Variants in BOP1 observed in about 807,000 individuals in gnomAD.
BOP1 encodes BOP1 ribosomal biogenesis factor.
Under a neutral mutation model 82.9 loss-of-function variants are expected in BOP1, and 54 were observed. That is an observed-to-expected ratio of 0.65 (90% CI 0.52 to 0.82). The LOEUF is 0.82. Among genes scored for constraint, BOP1 ranks in the 40% least tolerant of loss-of-function variants. The pLI is 0.00. For synonymous variants in BOP1, 566 were observed against 451.1 expected, an observed-to-expected ratio of 1.25 and a Z score of -3.23; for missense variants, 1,170 against 1,072.0, an observed-to-expected ratio of 1.09 and a Z score of -1.28.
intron 2 of BOP1, among the ~76,000 whole-genome samples, chr8:144,288,294 G>A (rs528627541): frequency 4.9e-5 from 7 of 143,856 alleles, no homozygotes; most frequent in African/African-American, 1.6e-4. Context: ...AAAATAGGCC[G>A]GGCGTGGTGG....
chr8:144,282,138 G>C (rs1340866032), intron 2 of BOP1, among the ~76,000 whole-genome samples: 5 of 152,228 alleles, frequency 3.3e-5, no homozygotes, highest in African/African-American at 1.2e-4. Context: ...GCGCTGCCGT[G>C]TGCTGCTGGA....
At chr8:144,271,079 CCCGG>C (rs58400462) in intron 3 of BOP1, among the ~76,000 whole-genome samples, 87,211 of 150,738 alleles carry the variant, frequency 0.58, 25,510 homozygotes, top group South Asian at 0.61. Context: ...CACGGAGAGC[CCCGG>C]CCGGCCGGCC....
chr8:144,286,166 G>A (rs1157781385), intron 2 of BOP1, among the ~76,000 whole-genome samples: 2 of 152,172 alleles, frequency 1.3e-5, no homozygotes, highest in East Asian at 3.9e-4. Flanking sequence ...GAAAAGGGAG[G>A]GGTTCCCACT....
chr8:144,266,499 G>T (rs1250461109), intron 3 of BOP1: 3 of 987,076 alleles, frequency 3.0e-6, no homozygotes, highest in Admixed American at 1.2e-4. Flanking sequence ...CTGCCACCGC[G>T]GGGCGCAGCC....
intron 3 of BOP1, chr8:144,268,303 C>T (rs920149389): frequency 3.7e-5 from 39 of 1,055,248 alleles, no homozygotes; most frequent in Non-Finnish European, 4.9e-5. Flanking sequence ...GACAGACGGA[C>T]GTACAGACAG....
At position 144,264,225 on chromosome 8, in the gene BOP1, C is replaced by G; in HGVS notation, c.978G>C (p.Glu326Asp). ...CCCGGCCCCCAGGATGCAGGCCCACCTCCTCCTCGCTGAGCAGGTATTCAG... is the reference window on the plus strand; with the variant it reads ...CCCGGCCCCCAGGATGCAGGCCCACGTCCTCCTCGCTGAGCAGGTATTCAG... ...PPPEYLLSEE[E>D]RLAWEQQEPG... Residue 326 changes from glutamate to aspartate, a missense_variant and splice_region_variant, in exon 7 of 16, where the codon GAG becomes GAC. Glu to Asp is a conservative substitution (Grantham distance 45). Coordinates refer to ENST00000569669, the MANE Select transcript of BOP1 (RefSeq NM_015201.5). 1 of 1,607,474 alleles carries G rather than the reference C, an allele frequency of 6.2e-7. No individual in the cohort carries two copies. The highest frequency in any genetic ancestry group is 8.5e-7 in the Non-Finnish European group (1 of 1,177,950).
chr8:144,286,823 G>A (rs1317030168), intron 2 of BOP1, among the ~76,000 whole-genome samples: 1 of 152,224 alleles, frequency 6.6e-6, no homozygotes, highest in Non-Finnish European at 1.5e-5. Context: ...CCTGCATGGG[G>A]CAGCCAGTTA....
rs1437625759 is a variant in BOP1, at chr8:144,274,473, G to C, written c.390+1751C>G. ...CACTCCCCTAGGGCCACCCCACTTT[G>C]CTCCAAGGGAACAGAGGCCCAGGCA... On this transcript the variant is annotated intron_variant, in intron 3 of 15. Coordinates refer to ENST00000569669, the MANE Select transcript of BOP1 (RefSeq NM_015201.5). Among the ~76,000 whole-genome samples the C allele has an allele frequency of 4.6e-5, 7 of 152,298 alleles. No homozygotes were observed. The East Asian group carries it at 5.8e-4, about 13-fold the overall frequency.
chr8:144,262,500 G>A lies in BOP1; in HGVS notation c.1983C>T (p.His661=), dbSNP rs1214995223. ...CCACAGCCCGCAGAGCCTTCTTGTG[G>A]TGTCTGGGGGGAGGGAACCAGGTTG... ...LSTKPYRMLR[H]HKKALRAVAF... is the part of the protein sequence containing the mutation. Residue 661 remains histidine (H), a synonymous_variant, in exon 15 of 16, where the codon CAC becomes CAT. Transcript: ENST00000569669. 7 of 1,612,906 alleles carry A rather than the reference G, an allele frequency of 4.3e-6. No homozygotes were observed. Among genetic ancestry groups the A allele is most frequent in the African/African-American group, 1.3e-5 (1 of 74,900 alleles).
chr8:144,267,308 C>T (rs1400018282), intron 3 of BOP1: 5 of 1,149,682 alleles, frequency 4.3e-6, no homozygotes, highest in Non-Finnish European at 5.6e-6. Context: ...ACACCTGTAA[C>T]ACAGGCCTGC....
At position 144,264,594 on chromosome 8, in the gene BOP1, C is replaced by T. The variant is rs1845313780; in HGVS notation, c.686G>A (p.Gly229Glu). Residue 229 changes from glycine (G) to glutamate (E), a missense_variant, in exon 6 of 16, where the codon GGG (glycine) becomes GAG (glutamate). Gly to Glu is a moderately conservative substitution (Grantham distance 98, BLOSUM62 -2). Coordinates refer to ENST00000569669, the MANE Select transcript of BOP1 (RefSeq NM_015201.5). ...GGTCACCGGGTGGATCATGACGTCC[C>T]CGCTGAAGAAGTCGACAGCCGGCTG... Reference protein sequence around the residue: ...PYEPAVDFFSGDVMIHPVTNR... With the variant: ...PYEPAVDFFSEDVMIHPVTNR... 5.6e-6 allele frequency: 9 copies of T among 1,605,774 alleles called. No homozygotes were observed. Among genetic ancestry groups the T allele is most frequent in the Non-Finnish European group, 7.6e-6 (9 of 1,176,588 alleles).
rs1845278705 is a variant in BOP1, at chr8:144,263,400, C to T, written c.1426G>A (p.Glu476Lys). 2 of 1,597,650 alleles carry T rather than the reference C, an allele frequency of 1.3e-6. No individual in the cohort carries two copies. Among genetic ancestry groups the T allele is most frequent in the African/African-American group, 1.3e-5 (1 of 74,892 alleles). Reference protein sequence around the residue: ...PAVCLVAAAVEDSVLLLNPAL... With the variant: ...PAVCLVAAAVKDSVLLLNPAL... ...GGGTTCAGCAGCAGCACCGAGTCCT[C>T]CCTGTGAGCCAGGCCCAGACACGGC... The change falls in exon 12 of 16, where the codon GAG becomes AAG. Residue 476 changes from glutamate to lysine, a missense_variant and splice_region_variant. Glu to Lys is a moderately conservative substitution (Grantham distance 56, BLOSUM62 1). Transcript: ENST00000569669.
chr8:144,278,855 T>A (rs1370896367), intron 2 of BOP1, among the ~76,000 whole-genome samples: 1 of 152,068 alleles, frequency 6.6e-6, no homozygotes, highest in Non-Finnish European at 1.5e-5. Context: ...CATCAACAGG[T>A]ACCTAGGAAA....
chr8:144,278,418 T>C (rs1554838562), intron 2 of BOP1, among the ~76,000 whole-genome samples: 1 of 152,196 alleles, frequency 6.6e-6, no homozygotes, highest in Non-Finnish European at 1.5e-5. Flanking sequence ...CCCCCTATTG[T>C]GACCACACCA....
intron 2 of BOP1, among the ~76,000 whole-genome samples, chr8:144,282,971 C>T (rs184040674): frequency 3.0e-4 from 45 of 151,432 alleles, no homozygotes; most frequent in Non-Finnish European, 3.7e-4. Context: ...GGTGGATTAC[C>T]TGAGGTCAGG....
intron 2 of BOP1, among the ~76,000 whole-genome samples, chr8:144,279,907 C>T (rs1339676991): frequency 6.6e-6 from 1 of 152,060 alleles, no homozygotes; most frequent in African/African-American, 2.4e-5. Flanking sequence ...AGAGGCCCGG[C>T]TGTGCTCACC....
chr8:144,289,139 C>T lies in BOP1; in HGVS notation c.265G>A (p.Glu89Lys). The T allele has an allele frequency of 3.1e-6, 5 of 1,614,164 alleles. No individual in the cohort carries two copies. The highest frequency in any genetic ancestry group is 1.1e-5 in the South Asian group (1 of 91,088). The change falls in exon 2 of 16, where the codon GAG (glutamate) becomes AAG (lysine). Residue 89 changes from glutamate (E) to lysine (K), a missense_variant. Physicochemically the swap from Glu to Lys is moderately conservative, Grantham distance 56. Transcript: ENST00000569669. Reference protein sequence around the residue: ...EEGEDGALDDEGHSGIKKTTE... With the variant: ...EEGEDGALDDKGHSGIKKTTE... Reference sequence around the variant, plus strand: ...GTCTTTTTAATCCCACTGTGGCCCTCGTCATCAAGGGCTCCGTCCTCTCCC... The same window carrying T: ...GTCTTTTTAATCCCACTGTGGCCCTTGTCATCAAGGGCTCCGTCCTCTCCC...
intron 3 of BOP1, among the ~76,000 whole-genome samples, chr8:144,274,151 C>T (rs1371296315): frequency 2.0e-5 from 3 of 152,150 alleles, no homozygotes; most frequent in African/African-American, 7.2e-5. Flanking sequence ...GCCACTGCCA[C>T]CCACGCGCTC....
At chr8:144,286,316 G>A (rs1001607227) in intron 2 of BOP1, among the ~76,000 whole-genome samples, 5 of 152,140 alleles carry the variant, frequency 3.3e-5, no homozygotes, top group Non-Finnish European at 2.9e-5. Context: ...CACAGGACAC[G>A]CGGGCAGATG....
Sources: allele counts gnomAD v4.1 joint callset (sites outside exome capture counted in the v4.1 genomes callset), GRCh38; gene constraint gnomAD v4.1.1; transcripts MANE v1.5; gene names NCBI Gene and HGNC (gene_info 2026-07-23, HGNC 2026-07-21).